The following GCNT1 variants were observed in gnomAD, a reference collection of about 807,000 sequenced individuals.
GCNT1 encodes beta-1,3-galactosyl-O-glycosyl-glycoprotein beta-1,6-N-acetylglucosaminyltransferase.
GCNT1 carries 16 observed loss-of-function variants against 26.2 expected under a neutral mutation model. That is an observed-to-expected ratio of 0.61 (90% CI 0.41 to 0.93). The LOEUF (loss-of-function observed/expected upper bound fraction) is 0.93, where lower values mean the gene tolerates loss of function less well. Among genes scored for constraint, GCNT1 ranks in the 40% least tolerant of loss-of-function variants. The pLI is 0.00. For missense variants in GCNT1, 477 were observed against 526.7 expected, an observed-to-expected ratio of 0.91 and a Z score of 0.92; for synonymous variants, 183 against 190.8, an observed-to-expected ratio of 0.96 and a Z score of 0.34.
At chr9:76,445,390 A>G (rs1823558501) in intron 1 of GCNT1, among the ~76,000 whole-genome samples, 1 of 151,646 alleles carries the variant, frequency 6.6e-6, no homozygotes, top group African/African-American at 2.4e-5. Flanking sequence ...TCCTTTCCTT[A>G]TTTATTTATT....
At chr9:76,484,634 A>G (rs977740653) in intron 2 of GCNT1, among the ~76,000 whole-genome samples, 3 of 152,168 alleles carry the variant, frequency 2.0e-5, no homozygotes, top group Non-Finnish European at 2.9e-5. Context: ...CGTATATAAC[A>G]CAGAGGGAGT....
intron 2 of GCNT1, among the ~76,000 whole-genome samples, chr9:76,470,645 A>G (rs1470450381): frequency 6.6e-6 from 1 of 152,006 alleles, no homozygotes; most frequent in Non-Finnish European, 1.5e-5. Flanking sequence ...AAAGAGTGAT[A>G]AATACATTGT....
rs775942464 is a variant in GCNT1 at position 76,503,698 on chromosome 9, A to G, written c.*30A>G. On this transcript the variant is annotated 3_prime_UTR_variant, in exon 4 of 4. Coordinates refer to ENST00000376730, the MANE Select transcript of GCNT1 (RefSeq NM_001490.5). ...TACGGGCAATTTTATGAACAAGAAGAAGGATACACAAAACGTACCCTTATC... is the reference window on the plus strand; with the variant it reads ...TACGGGCAATTTTATGAACAAGAAGGAGGATACACAAAACGTACCCTTATC... The G allele has an allele frequency of 1.1e-5, 17 of 1,540,124 alleles. No homozygotes were observed. Among genetic ancestry groups the G allele is most frequent in the East Asian group, 2.3e-5 (1 of 44,342 alleles).
At chr9:76,424,426 T>A (rs1362214602) in intron 1 of GCNT1, among the ~76,000 whole-genome samples, 1 of 152,126 alleles carries the variant, frequency 6.6e-6, no homozygotes, top group African/African-American at 2.4e-5. Context: ...AAGACCTAGG[T>A]CCATTTTCAC....
the GCNT1 span, among the ~76,000 whole-genome samples, chr9:76,402,834 C>T: frequency 2.8e-4 from 42 of 152,250 alleles, no homozygotes; most frequent in South Asian, 4.4e-3. Flanking sequence ...CACGCGCCAC[C>T]ACGCCCGGCT....
chr9:76,434,561 G>T (rs1395731931), intron 1 of GCNT1, among the ~76,000 whole-genome samples: 4 of 152,160 alleles, frequency 2.6e-5, no homozygotes, highest in Admixed American at 2.0e-4. Context: ...TAAAACTTGT[G>T]TTTGAACAAC....
At chr9:76,486,587 T>G (rs1824582987) in intron 2 of GCNT1, among the ~76,000 whole-genome samples, 1 of 152,232 alleles carries the variant, frequency 6.6e-6, no homozygotes, top group Admixed American at 6.5e-5. Flanking sequence ...AAGTCAGTTA[T>G]CATTCACTAC....
the GCNT1 span, among the ~76,000 whole-genome samples, chr9:76,395,074 C>T: frequency 1.3e-5 from 2 of 152,132 alleles, no homozygotes; most frequent in African/African-American, 4.8e-5. Flanking sequence ...ACTGTCCCCT[C>T]CAGGCTGTCT....
chr9:76,423,094 C>T (rs1823219414), intron 1 of GCNT1, among the ~76,000 whole-genome samples: 1 of 152,176 alleles, frequency 6.6e-6, no homozygotes, highest in African/African-American at 2.4e-5. Flanking sequence ...GACATAACCC[C>T]ATTGTAAACT....
chr9:76,466,299 G>A (rs1823992379), intron 2 of GCNT1, among the ~76,000 whole-genome samples: 1 of 151,836 alleles, frequency 6.6e-6, no homozygotes, highest in Admixed American at 6.6e-5. Flanking sequence ...TAATGCTACT[G>A]GGATTTTGTT....
chr9:76,503,138 GAA>G lies in GCNT1; in HGVS notation c.759_760del (p.Arg254ValfsTer6). 6.2e-7 allele frequency: 1 copy of G among 1,614,192 alleles called. No individual in the cohort carries two copies. Among genetic ancestry groups the G allele is most frequent in the East Asian group, 2.2e-5 (1 of 44,880 alleles). On this transcript the variant is annotated frameshift_variant, in exon 4 of 4. Coordinates refer to ENST00000376730, the MANE Select transcript of GCNT1 (RefSeq NM_001490.5). LOFTEE classifies it high-confidence loss of function. The part of the protein sequence containing the change: ...ETERMPSHKE[E>X]RWKKRYEVVN... ...GGAGAGGATGCCATCCCATAAAGAA[GAA>G]AGGTGGAAGAAGCGGTATGAGGTCG...
At chr9:76,448,517 G>A (rs1385295488) in intron 1 of GCNT1, among the ~76,000 whole-genome samples, 1 of 152,138 alleles carries the variant, frequency 6.6e-6, no homozygotes, top group East Asian at 1.9e-4. Context: ...CTGTTTAGGT[G>A]TATAGTTCCA....
At chr9:76,399,423 A>C in the GCNT1 span, 1 of 1,509,498 alleles carries the variant, frequency 6.6e-7, no homozygotes, top group Non-Finnish European at 9.1e-7. Flanking sequence ...ACTGCTACTC[A>C]GCCTGAGGTT....
upstream of GCNT1, among the ~76,000 whole-genome samples, chr9:76,439,629 G>A (rs766326389): frequency 5.3e-5 from 8 of 152,282 alleles, no homozygotes; most frequent in Middle Eastern, 6.8e-3. Context: ...AGCTGTGTGC[G>A]TCTTTCTTCA....
At chr9:76,393,948 A>T in the GCNT1 span, 1 of 738,326 alleles carries the variant, frequency 1.4e-6, no homozygotes, top group Non-Finnish European at 2.1e-6. Context: ...TCCGCCACAG[A>T]CAAGGGGATG....
At chr9:76,411,282 A>G in the GCNT1 span, among the ~76,000 whole-genome samples, 2 of 151,402 alleles carry the variant, frequency 1.3e-5, no homozygotes, top group South Asian at 4.2e-4. Flanking sequence ...TTTGACTTCC[A>G]CTTTTTCCCT....
the GCNT1 span, among the ~76,000 whole-genome samples, chr9:76,412,816 C>T: frequency 2.0e-5 from 3 of 152,210 alleles, no homozygotes; most frequent in African/African-American, 2.4e-5. Flanking sequence ...CTTGACTCAC[C>T]TTGCTGAACC....
intron 2 of GCNT1, among the ~76,000 whole-genome samples, chr9:76,492,146 T>A (rs147183222): frequency 6.6e-6 from 1 of 152,134 alleles, no homozygotes; most frequent in Non-Finnish European, 1.5e-5. Flanking sequence ...AAAGAGAAGT[T>A]TTGTCCTGTG....
intron 2 of GCNT1, among the ~76,000 whole-genome samples, chr9:76,460,543 T>G (rs1193316711): frequency 6.6e-6 from 1 of 152,182 alleles, no homozygotes; most frequent in Admixed American, 6.5e-5. Context: ...TGCTAGGAGC[T>G]TAGGCAATTC....
Sources: gnomAD v4.1 joint callset for allele counts (sites outside exome capture counted in the v4.1 genomes callset) on GRCh38, gnomAD v4.1.1 for gene constraint, MANE v1.5 for transcripts, NCBI Gene and HGNC (gene_info 2026-07-23, HGNC 2026-07-21) for gene names.